FANCD2OS: variants seen among roughly 807,000 people sequenced by gnomAD.
The protein encoded by FANCD2OS is FANCD2 opposite strand protein.
Under a neutral mutation model 13.2 loss-of-function variants are expected in FANCD2OS, and 11 were observed. That is an observed-to-expected ratio of 0.83 (90% confidence interval 0.52 to 1.38). The LOEUF (loss-of-function observed/expected upper bound fraction) is 1.38. Ranked by LOEUF, FANCD2OS falls within the 40% of genes most tolerant of loss-of-function variation. The pLI, the probability that FANCD2OS is intolerant of heterozygous loss-of-function variation, is 0.00. For synonymous variants in FANCD2OS, 69 were observed against 84.5 expected (o/e 0.82, Z 1.01); for missense variants, 217 against 213.9 (o/e 1.01, Z -0.09).
At chr3:10,099,269 A>C (rs1165181732), downstream of FANCD2OS, 40 of 1,280,432 alleles carry the variant, frequency 3.1e-5, no homozygotes, top group Non-Finnish European at 3.8e-5. Flanking sequence ...AAATAAAAAT[A>C]GAAGTTCTTA....
chr3:10,101,377 C>A, downstream of FANCD2OS: 4 of 388,316 alleles, frequency 1.0e-5, no homozygotes, highest in Non-Finnish European at 1.4e-5. Flanking sequence ...TTTTGTTCCT[C>A]TTTTTTTTTT....
At chr3:10,087,300 T>TTTA (rs71052293) in intron 2 of FANCD2OS, 25 of 1,437,650 alleles carry the variant, frequency 1.7e-5, no homozygotes, top group Non-Finnish European at 2.1e-5. Flanking sequence ...TTTTTTTTTT[T>TTTA]AATGAATAGG....
Position 10,084,795 on chromosome 3 carries a change from G to A in FANCD2OS, c.*44-3264C>T, listed in dbSNP as rs538308069. On this transcript the variant is annotated intron_variant, in intron 2 of 2. Transcript: ENST00000524279. Reference sequence around the variant, plus strand: ...ACGTCAGATTGTGCTGGGCCTCAAAGGTCAGGCAGAATAATTTAAATGTTG... The same window carrying A: ...ACGTCAGATTGTGCTGGGCCTCAAAAGTCAGGCAGAATAATTTAAATGTTG... Among the ~76,000 whole-genome samples, 135 of 152,302 alleles carry A rather than the reference G, an allele frequency of 8.9e-4. 2 individuals are homozygous for A. Among genetic ancestry groups the A allele is most frequent in the East Asian group, 3.9e-3 (20 of 5,184 alleles).
At position 10,104,198 on chromosome 3, in the gene FANCD2OS, CA is replaced by C. The variant is rs1695402960; in HGVS notation, c.*42del. Reference sequence around the variant, plus strand: ...GTTTCTGTAAGCTTTAGGTACATACCAAAGGGCATGGTGTGAGTAAATGGGG... The same window carrying C: ...GTTTCTGTAAGCTTTAGGTACATACCAAGGGCATGGTGTGAGTAAATGGGG... On this transcript the variant is annotated 3_prime_UTR_variant, in exon 2 of 2. Transcript: ENST00000450660. 5 of 1,521,846 alleles carry C rather than the reference CA, an allele frequency of 3.3e-6. No individual in the cohort carries two copies. The highest frequency in any genetic ancestry group is 4.4e-6 in the Non-Finnish European group (5 of 1,127,136). The allele number at this position is 1,521,846 out of a possible 1,614,324, so 94.3% of individuals were successfully genotyped here.
At chr3:10,101,625 C>G (rs1695306506), downstream of FANCD2OS, 4 of 325,588 alleles carry the variant, frequency 1.2e-5, no homozygotes, top group South Asian at 1.1e-4. Flanking sequence ...ACTCATGATC[C>G]ACCTGCCTCA....
intron 2 of FANCD2OS, among the ~76,000 whole-genome samples, chr3:10,095,878 A>ATTT (rs397950663): frequency 0.03 from 3,791 of 125,670 alleles, 208 homozygotes; most frequent in African/African-American, 0.098. Flanking sequence ...CTGAACAGTG[A>ATTT]TTTTTTTTTT....
At chr3:10,087,386 G>T (rs2125073999) in intron 2 of FANCD2OS, 1 of 910,902 alleles carries the variant, frequency 1.1e-6, no homozygotes, top group Admixed American at 2.7e-5. Context: ...ACCTTGGATA[G>T]GCCCTCTTGC....
At chr3:10,087,035 C>A in intron 2 of FANCD2OS, 1 of 1,335,972 alleles carries the variant, frequency 7.5e-7, no homozygotes, top group Non-Finnish European at 1.1e-6. Flanking sequence ...ATTAGGCCGT[C>A]AAACACTGAA....
chr3:10,099,466 A>T, downstream of FANCD2OS: 4 of 413,802 alleles, frequency 9.7e-6, no homozygotes, highest in Non-Finnish European at 1.4e-5. Flanking sequence ...CCACAAAAAA[A>T]ATGAAAAATA....
chr3:10,087,152 G>A lies in FANCD2OS; in HGVS notation c.*44-5621C>T, dbSNP rs2125072431. The A allele has an allele frequency of 6.2e-7, 1 of 1,613,974 alleles. No individual in the cohort carries two copies. The highest frequency in any genetic ancestry group is 2.2e-5 in the East Asian group (1 of 44,856). On this transcript the variant is annotated intron_variant, in intron 2 of 2. Transcript: ENST00000524279. ...CTTACAGCCAGAGCGTCCATTACTT[G>A]CAGAATTTCCATCAAAGCATTCCCA...
chr3:10,104,059 C>CT lies in FANCD2OS; in HGVS notation c.*181dup. 1 of 598,212 alleles carries CT rather than the reference C, an allele frequency of 1.7e-6. No individual in the cohort carries two copies. Among genetic ancestry groups the CT allele is most frequent in the Non-Finnish European group, 2.9e-6 (1 of 344,702 alleles). The allele number at this position is 598,212 out of a possible 1,614,324, so 37.1% of individuals were successfully genotyped here. ...CAATGGGAATGTTCTTCCTTGTTCT[C>CT]TATCATTGGTCCTTTTTTGGAGGGG... On this transcript the variant is annotated 3_prime_UTR_variant, in exon 2 of 2. Transcript: ENST00000450660.
At chr3:10,088,424 AT>A (rs544697633) in intron 2 of FANCD2OS, 5 of 1,431,542 alleles carry the variant, frequency 3.5e-6, no homozygotes, top group Non-Finnish European at 4.9e-6. Context: ...CATATGTAAG[AT>A]TCCTTTGTCT....
chr3:10,101,885 A>G (rs1695317409), downstream of FANCD2OS: 1 of 186,434 alleles, frequency 5.4e-6, no homozygotes, highest in Non-Finnish European at 1.1e-5. Context: ...TTTATTGTAG[A>G]ACTTAGGCTT....
At chr3:10,101,295 T>A, downstream of FANCD2OS, 1 of 1,466,594 alleles carries the variant, frequency 6.8e-7, no homozygotes, top group Non-Finnish European at 9.6e-7. Context: ...CTTCTGTGTC[T>A]CTGCCAGCCT....
rs533541893 is a variant in FANCD2OS, at chr3:10,087,239, T to C, written c.*44-5708A>G. On this transcript the variant is annotated intron_variant, in intron 2 of 2. Coordinates refer to the FANCD2OS transcript ENST00000524279. ...TGGTTATTTTGGAGAAATCAACAGCTTCTGCTCAGAACAAAGAAAAAATTG... is the reference window on the plus strand; with the variant it reads ...TGGTTATTTTGGAGAAATCAACAGCCTCTGCTCAGAACAAAGAAAAAATTG... 16 of 1,613,508 alleles carry C rather than the reference T, an allele frequency of 9.9e-6. No homozygotes were observed. The Admixed American group carries it at 2.3e-4, about 24-fold the overall frequency.
chr3:10,097,379 C>T (rs1695032807), intron 2 of FANCD2OS, among the ~76,000 whole-genome samples: 1 of 152,150 alleles, frequency 6.6e-6, no homozygotes, highest in Non-Finnish European at 1.5e-5. Flanking sequence ...CAGTCTCGAC[C>T]ATAAGAGACA....
chr3:10,104,135 T>C lies in FANCD2OS; in HGVS notation c.*106A>G, dbSNP rs1695401576. The C allele has an allele frequency of 9.3e-7, 1 of 1,070,670 alleles. No homozygotes were observed. The highest frequency in any genetic ancestry group is 2.6e-5 in the East Asian group (1 of 38,838). The allele number at this position is 1,070,670 out of a possible 1,614,324, so 66.3% of individuals were successfully genotyped here. A position where few individuals can be genotyped will look rare whatever the true frequency, so the allele number is the denominator to read the frequency against. On this transcript the variant is annotated 3_prime_UTR_variant, in exon 2 of 2. Transcript: ENST00000450660. ...ATCACTGCTTGAAACAAAAGCAAGA[T>C]GGCTGGGACAATGTCACAGTTTCAT...
In FANCD2OS at chr3:10,094,003, G is replaced by A. The variant is rs184221908; in HGVS notation, c.*43+10195C>T. ...TGGGAGTAAGTTATCCTCAGATAGA[G>A]CTCCCCTCTACTCTATGCTCTCACT... On this transcript the variant is annotated intron_variant, in intron 2 of 2. Coordinates refer to the FANCD2OS transcript ENST00000524279. 2.0e-5 allele frequency among the ~76,000 whole-genome samples: 3 copies of A among 152,268 alleles called. No homozygotes were observed. The East Asian group carries it at 5.8e-4, about 29-fold the overall frequency.
chr3:10,087,700 T>A (rs1452605017), intron 2 of FANCD2OS, among the ~76,000 whole-genome samples: 3 of 151,854 alleles, frequency 2.0e-5, no homozygotes, highest in African/African-American at 7.3e-5. Flanking sequence ...CAGGCTGGAG[T>A]GCAGTGGTGC....
Sources: allele counts gnomAD v4.1 joint callset (sites outside exome capture counted in the v4.1 genomes callset), GRCh38; gene constraint gnomAD v4.1.1; transcripts MANE v1.5; gene names NCBI Gene and HGNC (gene_info 2026-07-23, HGNC 2026-07-21).